The following PUM2 variants were observed in gnomAD, a reference collection of about 807,000 sequenced individuals.
PUM2 encodes pumilio RNA binding family member 2.
Under a neutral mutation model 124.5 loss-of-function variants are expected in PUM2, and 57 were observed. The observed-to-expected ratio is 0.46, with a 90% CI of 0.37 to 0.57. The LOEUF (loss-of-function observed/expected upper bound fraction) is 0.57. Ranked by LOEUF, PUM2 falls within the 20% of genes least tolerant of loss-of-function variation. The probability of loss-of-function intolerance (pLI) is 0.00; values close to 1 mark genes in which losing one functional copy is unlikely to be tolerated. For synonymous variants in PUM2, 460 were observed against 446.1 expected (o/e 1.03, Z -0.39); for missense variants, 1,065 against 1,290.6 (o/e 0.83, Z 2.68).
intron 3 of PUM2, among the ~76,000 whole-genome samples, chr2:20,315,198 T>C (rs1432758302): frequency 6.6e-6 from 1 of 151,554 alleles, no homozygotes; most frequent in African/African-American, 2.4e-5. Context: ...ATATTTCAGC[T>C]GATAAGGGTT....
At chr2:20,348,384 T>C (rs1225954073) in intron 1 of PUM2, among the ~76,000 whole-genome samples, 1 of 152,156 alleles carries the variant, frequency 6.6e-6, no homozygotes, top group Non-Finnish European at 1.5e-5. Flanking sequence ...AAAATACAAG[T>C]ATTTCCATAT....
At chr2:20,335,851 G>C (rs1685882730) in intron 1 of PUM2, among the ~76,000 whole-genome samples, 1 of 152,160 alleles carries the variant, frequency 6.6e-6, no homozygotes, top group South Asian at 2.1e-4. Context: ...CCATCATTTA[G>C]ACAAATCTAT....
chr2:20,328,312 G>A (rs1349261179), intron 1 of PUM2, among the ~76,000 whole-genome samples: 2 of 151,770 alleles, frequency 1.3e-5, no homozygotes, highest in African/African-American at 4.8e-5. Context: ...CCTGGGCATC[G>A]CAGAGAGACT....
In PUM2 at chr2:20,282,637, T is replaced by A. The variant is rs556829447; in HGVS notation, c.1720+310A>T. On this transcript the variant is annotated intron_variant, in intron 12 of 20. Coordinates refer to ENST00000361078, the MANE Select transcript of PUM2 (RefSeq NM_015317.5). The stretch of plus-strand genomic sequence containing the variant: ...TATGTAGTGAATGAAGATGAGCTAA[T>A]AATTAGTGAATAATATATTGACCCA... Among the ~76,000 whole-genome samples the A allele has an allele frequency of 4.6e-5, 7 of 152,318 alleles. No individual in the cohort carries two copies. In the South Asian group the frequency reaches 1.2e-3, roughly 27 times the overall value.
intron 13 of PUM2, among the ~76,000 whole-genome samples, chr2:20,278,296 G>A (rs1035409485): frequency 1.3e-5 from 2 of 151,946 alleles, no homozygotes; most frequent in East Asian, 1.9e-4. Flanking sequence ...TGACTTTTCA[G>A]ATGCTCTAAA....
intron 3 of PUM2, among the ~76,000 whole-genome samples, chr2:20,312,966 G>T (rs1679989122): frequency 6.6e-6 from 1 of 152,146 alleles, no homozygotes; most frequent in African/African-American, 2.4e-5. Context: ...AATGGGGAAA[G>T]GATTCCCTAT....
chr2:20,350,624 C>A lies in PUM2; in HGVS notation c.-46G>T, dbSNP rs1435238243. 6.1e-6 allele frequency: 6 copies of A among 985,498 alleles called. No homozygotes were observed. In the East Asian group the frequency reaches 4.6e-4, roughly 75 times the overall value. The allele number at this position is 985,498 out of a possible 1,614,324, so 61.0% of individuals were successfully genotyped here. A position where few individuals can be genotyped will look rare whatever the true frequency, so the allele number is the denominator to read the frequency against. On this transcript the variant is annotated 5_prime_UTR_variant, in exon 1 of 21. Coordinates refer to ENST00000361078, the MANE Select transcript of PUM2 (RefSeq NM_015317.5). Reference sequence around the variant, plus strand: ...GGCTGCTGCGGCCGCGCTGCCTCAGCCGGGGACACCGACCGTTGGGCACAC... The same window carrying A: ...GGCTGCTGCGGCCGCGCTGCCTCAGACGGGGACACCGACCGTTGGGCACAC...
At chr2:20,297,228 G>A (rs1040292818) in intron 8 of PUM2, among the ~76,000 whole-genome samples, 33 of 152,156 alleles carry the variant, frequency 2.2e-4, no homozygotes, top group African/African-American at 8.0e-4. Context: ...TTTCTGAGAA[G>A]TAATTTTACT....
Position 20,263,961 on chromosome 2 carries a change from T to TG in PUM2, c.1958-502dup, listed in dbSNP as rs1463432598. ...TCAATTCTTACCATCATACCACTGA[T>TG]GGTATGAACTTTAAAAAGCCACAAT... On this transcript the variant is annotated intron_variant, in intron 13 of 20. Transcript: ENST00000361078. Among the ~76,000 whole-genome samples the TG allele has an allele frequency of 8.5e-5, 13 of 152,284 alleles. No homozygotes were observed. The East Asian group carries it at 2.3e-3, about 27-fold the overall frequency.
intron 2 of PUM2, among the ~76,000 whole-genome samples, chr2:20,320,402 A>G (rs1485490111): frequency 6.6e-6 from 1 of 152,194 alleles, no homozygotes; most frequent in Non-Finnish European, 1.5e-5. Flanking sequence ...TTAAACAGCT[A>G]AAAAGGTAAA....
intron 1 of PUM2, among the ~76,000 whole-genome samples, chr2:20,334,233 G>T (rs1395576972): frequency 2.6e-5 from 4 of 152,148 alleles, no homozygotes; most frequent in African/African-American, 9.7e-5. Context: ...GACTGCTTGA[G>T]TCTGGGAGGT....
chr2:20,294,759 T>A (rs1446429006), intron 8 of PUM2, among the ~76,000 whole-genome samples: 1 of 152,178 alleles, frequency 6.6e-6, no homozygotes, highest in African/African-American at 2.4e-5. Context: ...CACTTAACCA[T>A]CTATTCAACA....
chr2:20,257,877 G>A (rs1414769415), intron 16 of PUM2, among the ~76,000 whole-genome samples: 2 of 152,036 alleles, frequency 1.3e-5, no homozygotes, highest in African/African-American at 4.8e-5. Flanking sequence ...CTGACATATA[G>A]TAATGCTATT....
intron 13 of PUM2, among the ~76,000 whole-genome samples, chr2:20,268,490 C>T (rs935236464): frequency 1.3e-5 from 2 of 152,018 alleles, no homozygotes; most frequent in African/African-American, 4.8e-5. Context: ...TGGTGGCGTA[C>T]GCCTGTAGTC....
intron 1 of PUM2, among the ~76,000 whole-genome samples, chr2:20,347,397 T>G (rs553297916): frequency 6.6e-6 from 1 of 152,274 alleles, no homozygotes; most frequent in South Asian, 2.1e-4. Context: ...AAAAAAACAC[T>G]AACATGTCTC....
At chr2:20,251,767 T>C (rs1164143377) in intron 20 of PUM2, 51 bp from the exon 21 acceptor site, 2 of 1,588,188 alleles carry the variant, frequency 1.3e-6, no homozygotes, top group Non-Finnish European at 1.7e-6. Flanking sequence ...TAGTTTCTGA[T>C]TTCTTAAAAA....
intron 2 of PUM2, among the ~76,000 whole-genome samples, chr2:20,326,676 T>C (rs1245390147): frequency 3.9e-5 from 6 of 152,202 alleles, no homozygotes; most frequent in Non-Finnish European, 5.9e-5. Context: ...AAGAAAATCA[T>C]AGATTAACGA....
chr2:20,334,895 C>T (rs545208291), intron 1 of PUM2, among the ~76,000 whole-genome samples: 1 of 152,270 alleles, frequency 6.6e-6, no homozygotes, highest in African/African-American at 2.4e-5. Context: ...TAAGTCAATA[C>T]ACAGAGTGAC....
At chr2:20,260,858 A>G (rs2148520740) in intron 14 of PUM2, among the ~76,000 whole-genome samples, 1 of 152,330 alleles carries the variant, frequency 6.6e-6, no homozygotes, top group African/African-American at 2.4e-5. Context: ...ATGAATTCCT[A>G]AGCAAGAAAG....
Sources: gnomAD v4.1 joint callset for allele counts (sites outside exome capture counted in the v4.1 genomes callset) on GRCh38, gnomAD v4.1.1 for gene constraint, MANE v1.5 for transcripts, NCBI Gene and HGNC (gene_info 2026-07-23, HGNC 2026-07-21) for gene names.